The following MYCBP2 variants were observed in gnomAD, a reference collection of about 807,000 sequenced individuals.
The protein encoded by MYCBP2 is E3 ubiquitin-protein ligase MYCBP2.
In MYCBP2, 120 loss-of-function variants were observed where a neutral mutation model predicts 525.3. The observed-to-expected ratio is 0.23, with a 90% CI of 0.20 to 0.27. The LOEUF (loss-of-function observed/expected upper bound fraction) is 0.27, where lower values mean the gene tolerates loss of function less well. Among genes scored for constraint, MYCBP2 ranks in the 10% least tolerant of loss-of-function variants. The pLI is 1.00. For missense variants in MYCBP2, 4,149 were observed against 5,657.1 expected (o/e 0.73, Z 8.55); for synonymous variants, 1,894 against 1,955.8 (o/e 0.97, Z 0.83).
intron 20 of MYCBP2, among the ~76,000 whole-genome samples, chr13:77,221,540 T>A (rs1204609279): frequency 6.6e-6 from 1 of 152,140 alleles, no homozygotes; most frequent in African/African-American, 2.4e-5. Context: ...TACTTCCCTT[T>A]CCACTCTGGC....
rs759046938 is a variant in MYCBP2, at chr13:77,061,679, T to C, written c.12886A>G (p.Lys4296Glu). 1 of 1,610,922 alleles carries C rather than the reference T, an allele frequency of 6.2e-7. No individual in the cohort carries two copies. The highest frequency in any genetic ancestry group is 8.5e-7 in the Non-Finnish European group (1 of 1,179,236). Residue 4296 changes from lysine to glutamate, a missense_variant, in exon 75 of 83, where the codon AAA (lysine) becomes GAA (glutamate). Physicochemically the swap from Lys to Glu is moderately conservative, Grantham distance 56. Transcript: ENST00000544440. ...ATCTTCACCTGTCTTTGATGAGTTT[T>C]GGTTCTTCGATGAAGGTGAAGGAAT... ...DRFLHLHRRT[K>E]THQRQVFKEE...
chr13:77,314,526 CA>C (rs780062422), intron 1 of MYCBP2, among the ~76,000 whole-genome samples: 1 of 152,148 alleles, frequency 6.6e-6, no homozygotes, highest in Non-Finnish European at 1.5e-5. Context: ...GAAAAGGCCA[CA>C]TACTGTATGA....
chr13:77,149,136 A>G (rs1274501902), intron 47 of MYCBP2, among the ~76,000 whole-genome samples: 1 of 151,880 alleles, frequency 6.6e-6, no homozygotes, highest in Non-Finnish European at 1.5e-5. Context: ...TTCTTTCTAT[A>G]GTCAAACATC....
chr13:77,319,109 C>CGTGTGTGT (rs144702217), intron 1 of MYCBP2, among the ~76,000 whole-genome samples: 20 of 151,170 alleles, frequency 1.3e-4, no homozygotes, highest in East Asian at 5.8e-4. Context: ...AGTTTGGGAA[C>CGTGTGTGT]GTGTGTGTGT....
chr13:77,067,726 C>A lies in MYCBP2; in HGVS notation c.12310G>T (p.Gly4104Cys). ...STEKGDWNKLGILDMFLGCIA... is the reference protein window; with the variant it reads ...STEKGDWNKLCILDMFLGCIA... The stretch of plus-strand genomic sequence containing the variant: ...CATCCTAGAAACATGTCCAAGATAC[C>A]CAGCTTATTCCAGTCTCCTTTCTCT... Residue 4104 changes from glycine (G) to cysteine (C), a missense_variant, in exon 71 of 83, where the codon GGT becomes TGT. Gly to Cys is a radical substitution (Grantham distance 159). This residue lies in a region of MYCBP2 where 148 missense variants were observed against 179.4 expected (regional missense o/e 0.82). Coordinates refer to ENST00000544440, the MANE Select transcript of MYCBP2 (RefSeq NM_015057.5). 6.2e-7 allele frequency: 1 copy of A among 1,614,038 alleles called. No individual in the cohort carries two copies. Among genetic ancestry groups the A allele is most frequent in the Middle Eastern group, 1.6e-4 (1 of 6,062 alleles).
chr13:77,198,960 T>C (rs559504305), intron 26 of MYCBP2, among the ~76,000 whole-genome samples: 3 of 152,376 alleles, frequency 2.0e-5, no homozygotes, highest in Non-Finnish European at 1.5e-5. Flanking sequence ...ATAATTTTCC[T>C]TTCATTTCTT....
At chr13:77,292,071 G>C (rs2077537339) in intron 2 of MYCBP2, among the ~76,000 whole-genome samples, 1 of 152,176 alleles carries the variant, frequency 6.6e-6, no homozygotes, top group African/African-American at 2.4e-5. Context: ...TGACTAACAA[G>C]ATATGTCTGT....
At chr13:77,120,791 T>A (rs1339726775) in intron 55 of MYCBP2, among the ~76,000 whole-genome samples, 2 of 152,176 alleles carry the variant, frequency 1.3e-5, no homozygotes, top group Non-Finnish European at 2.9e-5. Flanking sequence ...AACAGCTGTA[T>A]ATATATTATA....
chr13:77,091,162 G>A (rs2045350317), intron 59 of MYCBP2, among the ~76,000 whole-genome samples: 1 of 151,974 alleles, frequency 6.6e-6, no homozygotes, highest in Admixed American at 6.6e-5. Context: ...AACTGCCTAG[G>A]TGTTTTCTTT....
Position 77,066,044 on chromosome 13 carries a change from G to A in MYCBP2, c.12500C>T (p.Thr4167Ile). 1 of 1,613,510 alleles carries A rather than the reference G, an allele frequency of 6.2e-7. No individual in the cohort carries two copies. The highest frequency in any genetic ancestry group is 1.1e-5 in the South Asian group (1 of 91,026). The change falls in exon 72 of 83, where the codon ACC becomes ATC. Residue 4167 changes from threonine (T) to isoleucine (I), a missense_variant. Transcript: ENST00000544440. ...GESHWWMKGS[T>I]PTQISEIIIK... ...GATGATCTCTGAGATCTGGGTAGGG[G>A]TTGAGCCCTTCATCCACCAATGACT...
At chr13:77,236,872 A>AAAATAAAT (rs879878885) in intron 17 of MYCBP2, among the ~76,000 whole-genome samples, 2 of 151,976 alleles carry the variant, frequency 1.3e-5, no homozygotes, top group South Asian at 2.1e-4. Flanking sequence ...GCCTCTACAA[A>AAAATAAAT]AAATAAATAA....
chr13:77,261,584 A>G (rs1410659698), intron 11 of MYCBP2, among the ~76,000 whole-genome samples: 5 of 152,070 alleles, frequency 3.3e-5, no homozygotes, highest in Non-Finnish European at 7.4e-5. Context: ...GCTTTTTCAT[A>G]TCTTTTATCC....
intron 79 of MYCBP2, 150 bp from the exon 80 acceptor site, chr13:77,055,917 T>C: frequency 1.6e-6 from 1 of 644,090 alleles, no homozygotes; most frequent in South Asian, 2.1e-5. Flanking sequence ...AAACATTCTG[T>C]AAATTCTTTA....
intron 17 of MYCBP2, among the ~76,000 whole-genome samples, chr13:77,233,467 ATATAATT>A (rs1376187721): frequency 1.3e-5 from 2 of 150,414 alleles, no homozygotes; most frequent in African/African-American, 4.9e-5. Context: ...AATATCTTAA[ATATAATT>A]TATAAAGTAC....
intron 17 of MYCBP2, among the ~76,000 whole-genome samples, chr13:77,237,186 G>C (rs544566044): frequency 3.3e-5 from 5 of 152,228 alleles, no homozygotes; most frequent in African/African-American, 1.2e-4. Context: ...CTATGGTATA[G>C]CCATATTATG....
At chr13:77,099,217 A>T (rs1411104606) in intron 55 of MYCBP2, 2 of 703,326 alleles carry the variant, frequency 2.8e-6, no homozygotes, top group African/African-American at 3.6e-5. Flanking sequence ...TTACCACCAA[A>T]AACTATTTTC....
chr13:77,313,830 A>G (rs1013416299), intron 1 of MYCBP2, among the ~76,000 whole-genome samples: 1 of 152,102 alleles, frequency 6.6e-6, no homozygotes, highest in Non-Finnish European at 1.5e-5. Flanking sequence ...AAACAACTCA[A>G]TTAAAGATGG....
intron 17 of MYCBP2, 107 bp from the exon 18 acceptor site, chr13:77,233,370 G>C: frequency 1.1e-6 from 1 of 880,986 alleles, no homozygotes; most frequent in African/African-American, 1.7e-5. Context: ...ATTCTTAACG[G>C]TTTTGGACAT....
chr13:77,064,208 G>A (rs946419764), intron 73 of MYCBP2, among the ~76,000 whole-genome samples: 4 of 152,150 alleles, frequency 2.6e-5, no homozygotes, highest in Admixed American at 2.6e-4. Context: ...AAGTTACAGG[G>A]CTCTACATTA....
Sources: gnomAD v4.1 joint callset for allele counts (sites outside exome capture counted in the v4.1 genomes callset) on GRCh38, gnomAD v4.1.1 for gene constraint, gnomAD v4.1.1 regional missense constraint, MANE v1.5 for transcripts, NCBI Gene and HGNC (gene_info 2026-07-23, HGNC 2026-07-21) for gene names.